ASAP1: variants seen among roughly 807,000 people sequenced by gnomAD.
ASAP1 encodes the protein ArfGAP with SH3 domain, ankyrin repeat and PH domain 1.
ASAP1 carries 43 observed loss-of-function variants against 145.2 expected under a neutral mutation model. That is an observed-to-expected ratio of 0.30 (90% confidence interval 0.23 to 0.38). ASAP1 has a LOEUF of 0.38. Ranked by LOEUF, ASAP1 falls within the 10% of genes least tolerant of loss-of-function variation. The probability of loss-of-function intolerance (pLI) is 1.00; values close to 1 mark genes in which losing one functional copy is unlikely to be tolerated. For missense variants in ASAP1, 1,018 were observed against 1,355.3 expected (o/e 0.75, Z 3.91); for synonymous variants, 546 against 515.5 (o/e 1.06, Z -0.80).
In ASAP1 at chr8:130,115,656, T is replaced by A; in HGVS notation, c.2144A>T (p.Asp715Val). 2 of 1,614,104 alleles carry A rather than the reference T, an allele frequency of 1.2e-6. No homozygotes were observed. Among genetic ancestry groups the A allele is most frequent in the Non-Finnish European group, 1.7e-6 (2 of 1,179,922 alleles). The change falls in exon 23 of 30, where the codon GAT (aspartate) becomes GTT (valine). Residue 715 changes from aspartate to valine, a missense_variant. Physicochemically the swap from Asp to Val is radical, Grantham distance 152. Around this residue, in one of 9 missense-constraint regions of ASAP1, gnomAD observed 353 missense variants for 375.4 expected, o/e 0.94. Transcript: ENST00000518721. ...YEWNLRQEEI[D>V]ESDDDLDDKP... ...GTCATCCAGATCATCATCGCTCTCA[T>A]CTATCTCCTCCTGTCGAAGATTCCA...
intron 5 of ASAP1, among the ~76,000 whole-genome samples, chr8:130,194,068 T>C (rs1409591995): frequency 1.3e-5 from 2 of 151,768 alleles, no homozygotes; most frequent in Non-Finnish European, 2.9e-5. Context: ...TAAGAATTTC[T>C]CCGTGGTTAT....
chr8:130,413,596 C>T (rs530832573), intron 1 of ASAP1, among the ~76,000 whole-genome samples: 14 of 152,222 alleles, frequency 9.2e-5, no homozygotes, highest in South Asian at 2.1e-4. Context: ...CAGATCAGGC[C>T]TTAGAAGACT....
intron 3 of ASAP1, among the ~76,000 whole-genome samples, chr8:130,323,860 T>C (rs182143111): frequency 1.3e-5 from 2 of 151,814 alleles, no homozygotes; most frequent in Admixed American, 1.3e-4. Context: ...CCTAATAGAT[T>C]ACCAGGCATT....
At chr8:130,284,546 T>C (rs755343281) in intron 3 of ASAP1, among the ~76,000 whole-genome samples, 5 of 151,982 alleles carry the variant, frequency 3.3e-5, no homozygotes, top group Non-Finnish European at 4.4e-5. Context: ...ATGCGCCCAG[T>C]ACAGCCAGGA....
intron 27 of ASAP1, among the ~76,000 whole-genome samples, chr8:130,067,553 A>G (rs1467235925): frequency 1.3e-5 from 2 of 151,880 alleles, no homozygotes; most frequent in African/African-American, 4.8e-5. Context: ...GGACCACCAC[A>G]CTCTGCTAAT....
intron 3 of ASAP1, among the ~76,000 whole-genome samples, chr8:130,352,319 C>A (rs573732477): frequency 2.3e-4 from 34 of 151,110 alleles, no homozygotes; most frequent in African/African-American, 8.0e-4. Flanking sequence ...AGTTTACCAG[C>A]TTTTAAAATT....
chr8:130,246,092 T>C (rs759671637), intron 3 of ASAP1, among the ~76,000 whole-genome samples: 2 of 151,560 alleles, frequency 1.3e-5, no homozygotes, highest in Non-Finnish European at 2.9e-5. Context: ...TCACTGCGAG[T>C]TGTAAAGGAA....
rs181773911 is a variant in ASAP1 at position 130,410,547 on chromosome 8, G to C, written c.-27-8577C>G. On this transcript the variant is annotated intron_variant, in intron 1 of 29. Transcript: ENST00000518721. ...ACCACAAATTATACATTTTCTTCAG[G>C]GTTCCCCTGGGAAGAAGTGCAAGTG... Among the ~76,000 whole-genome samples the C allele has an allele frequency of 3.1e-3, 472 of 152,360 alleles. 5 individuals are homozygous for C. Among genetic ancestry groups the C allele is most frequent in the African/African-American group, 0.011 (456 of 41,578 alleles).
chr8:130,234,596 C>T (rs1818102200), intron 4 of ASAP1, among the ~76,000 whole-genome samples: 1 of 152,164 alleles, frequency 6.6e-6, no homozygotes, highest in African/African-American at 2.4e-5. Flanking sequence ...AAGCATATCC[C>T]CCAGTAGAGG....
At chr8:130,209,487 G>A (rs1349417652) in intron 5 of ASAP1, among the ~76,000 whole-genome samples, 1 of 150,554 alleles carries the variant, frequency 6.6e-6, no homozygotes, top group Non-Finnish European at 1.5e-5. Flanking sequence ...GTTGTCTTAA[G>A]CATAAATCAA....
At chr8:130,361,687 C>T (rs772751493) in intron 2 of ASAP1, 1 of 1,533,878 alleles carries the variant, frequency 6.5e-7, no homozygotes, top group Admixed American at 2.0e-5. Context: ...GGGCCATAAT[C>T]CTCTTTAAAT....
At chr8:130,334,533 A>G (rs1824911780) in intron 3 of ASAP1, among the ~76,000 whole-genome samples, 1 of 152,186 alleles carries the variant, frequency 6.6e-6, no homozygotes, top group African/African-American at 2.4e-5. Context: ...AAATACAGTT[A>G]TCTTCATATT....
chr8:130,188,023 A>ATACAAGTAC, intron 6 of ASAP1, 86 bp downstream of exon 6: 1 of 942,386 alleles, frequency 1.1e-6, no homozygotes, highest in Non-Finnish European at 1.7e-6. Context: ...AGTCTTTCAA[A>ATACAAGTAC]TACAAGTACT....
At position 130,358,856 on chromosome 8, in the gene ASAP1, C is replaced by T. The variant is rs956156473; in HGVS notation, c.60-713G>A. 3.3e-5 allele frequency among the ~76,000 whole-genome samples: 5 copies of T among 151,982 alleles called. No individual in the cohort carries two copies. Among genetic ancestry groups the T allele is most frequent in the Admixed American group, 2.6e-4 (4 of 15,274 alleles). ...GCTCCGGAAGCCCGAGTCCCTGGTT[C>T]GCCCCCGGAGCGGTTACTTCAGCGA... On this transcript the variant is annotated intron_variant, in intron 2 of 29. Coordinates refer to ENST00000518721, the MANE Select transcript of ASAP1 (RefSeq NM_018482.4). This position sits in a 1 kb window ranked among gnomAD's most constrained non-coding sequence, Gnocchi z 4.1.
intron 5 of ASAP1, among the ~76,000 whole-genome samples, chr8:130,196,429 A>G (rs1182579109): frequency 1.3e-5 from 2 of 151,956 alleles, no homozygotes; most frequent in Non-Finnish European, 2.9e-5. Context: ...AAGCCCCTCT[A>G]TGGGCCTGCA....
intron 11 of ASAP1, among the ~76,000 whole-genome samples, chr8:130,165,294 A>G (rs1483928313): frequency 2.6e-5 from 4 of 152,180 alleles, no homozygotes; most frequent in African/African-American, 4.8e-5. Flanking sequence ...CTGTGTGACA[A>G]AACAAAGGTA....
intron 2 of ASAP1, among the ~76,000 whole-genome samples, chr8:130,382,409 A>T (rs903103898): frequency 7.2e-5 from 11 of 152,310 alleles, no homozygotes; most frequent in African/African-American, 2.6e-4. Context: ...TGCTCAGAAA[A>T]ATACAAGGTG....
At chr8:130,222,314 C>T (rs561693384) in intron 4 of ASAP1, among the ~76,000 whole-genome samples, 2 of 152,368 alleles carry the variant, frequency 1.3e-5, no homozygotes, top group South Asian at 4.1e-4. Context: ...CTGGACTGGA[C>T]TGCCTGCCAA....
At chr8:130,417,286 T>C (rs974658605) in intron 1 of ASAP1, among the ~76,000 whole-genome samples, 2 of 152,138 alleles carry the variant, frequency 1.3e-5, no homozygotes, top group African/African-American at 4.8e-5. Flanking sequence ...CATACACACA[T>C]ACACAAATGC....
Sources: gnomAD v4.1 joint callset for allele counts (sites outside exome capture counted in the v4.1 genomes callset) on GRCh38, gnomAD v4.1.1 for gene constraint, gnomAD v4.1.1 regional missense constraint, Gnocchi (gnomAD v3.1) non-coding constraint, MANE v1.5 for transcripts, NCBI Gene and HGNC (gene_info 2026-07-23, HGNC 2026-07-21) for gene names.